Variants in PRKCA observed in about 807,000 individuals in gnomAD.
PRKCA encodes the protein protein kinase C alpha.
PRKCA carries 27 observed loss-of-function variants against 87.0 expected under a neutral mutation model. That is an observed-to-expected ratio of 0.31 (90% CI 0.23 to 0.43). PRKCA has a LOEUF of 0.43. Ranked by LOEUF, PRKCA falls within the 20% of genes least tolerant of loss-of-function variation. The pLI is 1.00. For missense variants in PRKCA, 518 were observed against 852.3 expected, an observed-to-expected ratio of 0.61 and a Z score of 4.88; for synonymous variants, 329 against 311.1, an observed-to-expected ratio of 1.06 and a Z score of -0.61.
chr17:66,639,022 T>C (rs957443394), intron 3 of PRKCA, among the ~76,000 whole-genome samples: 1 of 152,226 alleles, frequency 6.6e-6, no homozygotes, highest in African/African-American at 2.4e-5. Context: ...TATGTCACTT[T>C]GCATTGGAGA....
intron 4 of PRKCA, 42 bp downstream of exon 4, chr17:66,641,508 G>T: frequency 6.8e-7 from 1 of 1,461,414 alleles, no homozygotes; most frequent in South Asian, 1.2e-5. Flanking sequence ...AGGCTCTGTA[G>T]CTCATGCTCA....
Position 66,804,016 on chromosome 17 carries a change from C to T in PRKCA, c.1998C>T (p.Pro666=), listed in dbSNP as rs953516882. 6.2e-7 allele frequency: 1 copy of T among 1,613,184 alleles called. No individual in the cohort carries two copies. The highest frequency in any genetic ancestry group is 8.5e-7 in the Non-Finnish European group (1 of 1,179,376). Residue 666 remains proline, a synonymous_variant, in exon 17 of 17, where the codon CCC becomes CCT. Coordinates refer to ENST00000413366, the MANE Select transcript of PRKCA (RefSeq NM_002737.3). ...FSYVNPQFVH[P]ILQSAV ...ATGTCAACCCCCAGTTTGTGCACCCCATCTTACAGAGTGCAGTATGAAACT... is the reference window on the plus strand; with the variant it reads ...ATGTCAACCCCCAGTTTGTGCACCCTATCTTACAGAGTGCAGTATGAAACT...
chr17:66,702,185 T>G (rs1869166796), intron 8 of PRKCA, among the ~76,000 whole-genome samples: 1 of 151,538 alleles, frequency 6.6e-6, no homozygotes, highest in South Asian at 2.1e-4. Flanking sequence ...GGCTCAATTG[T>G]GTATACACAT....
intron 14 of PRKCA, among the ~76,000 whole-genome samples, chr17:66,784,246 C>T (rs1975320990): frequency 6.6e-6 from 1 of 152,006 alleles, no homozygotes; most frequent in Non-Finnish European, 1.5e-5. Context: ...GCAGAAACCA[C>T]ACCATGTTTT....
intron 2 of PRKCA, among the ~76,000 whole-genome samples, chr17:66,411,854 G>GGCC (rs1555600329): frequency 7.0e-6 from 1 of 143,430 alleles, no homozygotes; most frequent in Non-Finnish European, 1.5e-5. Flanking sequence ...TCTGAGCAAT[G>GGCC]GGCCGCCTAC....
At chr17:66,499,559 A>G (rs1299579614) in intron 3 of PRKCA, among the ~76,000 whole-genome samples, 1 of 152,060 alleles carries the variant, frequency 6.6e-6, no homozygotes. Context: ...CAGATTTTTT[A>G]TCTTGTTTGG....
At position 66,549,629 on chromosome 17, in the gene PRKCA, T is replaced by C. The variant is rs1333073911; in HGVS notation, c.288+53346T>C. On this transcript the variant is annotated intron_variant, in intron 3 of 16. Coordinates refer to ENST00000413366, the MANE Select transcript of PRKCA (RefSeq NM_002737.3). ...ATATTGAGCAGTTGTGTGAATTCCA[T>C]TTGGACCTCCTCTGGTGGTGGTTCT... Among the ~76,000 whole-genome samples the C allele has an allele frequency of 2.6e-5, 4 of 152,190 alleles. No homozygotes were observed. In the South Asian group the frequency reaches 8.3e-4, roughly 32 times the overall value.
chr17:66,391,838 CAT>C (rs1000826618), intron 2 of PRKCA, among the ~76,000 whole-genome samples: 2 of 152,176 alleles, frequency 1.3e-5, no homozygotes, highest in African/African-American at 4.8e-5. Context: ...TGCACACACA[CAT>C]GTGCACAGAC....
At chr17:66,781,675 G>A (rs1438543287) in intron 14 of PRKCA, among the ~76,000 whole-genome samples, 1 of 152,038 alleles carries the variant, frequency 6.6e-6, no homozygotes, top group Non-Finnish European at 1.5e-5. Flanking sequence ...GTTGAATGGT[G>A]GCTGTCAGGG....
intron 13 of PRKCA, among the ~76,000 whole-genome samples, chr17:66,772,519 C>A (rs1470295478): frequency 5.9e-5 from 9 of 151,786 alleles, no homozygotes; most frequent in Admixed American, 5.9e-4. Context: ...AATCCCAGAA[C>A]ATTTCAAAGT....
chr17:66,503,658 T>G (rs1271505805), intron 3 of PRKCA, among the ~76,000 whole-genome samples: 4 of 152,206 alleles, frequency 2.6e-5, no homozygotes, highest in Non-Finnish European at 5.9e-5. Flanking sequence ...CAAAATTGCT[T>G]TCTTTTCTTT....
intron 2 of PRKCA, among the ~76,000 whole-genome samples, chr17:66,495,902 C>T (rs1229795086): frequency 5.9e-5 from 9 of 152,066 alleles, no homozygotes; most frequent in African/African-American, 1.7e-4. Flanking sequence ...TTTTGTTTCC[C>T]GGTTTCTACT....
At chr17:66,693,143 A>G (rs751523044) in intron 8 of PRKCA, among the ~76,000 whole-genome samples, 1 of 152,228 alleles carries the variant, frequency 6.6e-6, no homozygotes, top group Non-Finnish European at 1.5e-5. Flanking sequence ...ATCTTGGCAA[A>G]CAGAATGATC....
At chr17:66,734,730 C>A (rs2030780288) in intron 9 of PRKCA, among the ~76,000 whole-genome samples, 1 of 152,136 alleles carries the variant, frequency 6.6e-6, no homozygotes, top group African/African-American at 2.4e-5. Flanking sequence ...TTTTCCCATC[C>A]CTTATTCAAG....
chr17:66,406,585 G>GTTTTTTTTTTTTTTTTTTTTTTTTTTTTT lies in PRKCA; in HGVS notation c.206-89592_206-89591insTTTTTTTTTTTTTTTTTTTTTTTTTTTTT, dbSNP rs71160568. Reference sequence around the variant, plus strand: ...TCATGTAGCATTGTAGCTTTTCCAGGTTTTTTTTTTTTTTTTTTTTTTTTA... The same window carrying GTTTTTTTTTTTTTTTTTTTTTTTTTTTTT: ...TCATGTAGCATTGTAGCTTTTCCAGGTTTTTTTTTTTTTTTTTTTTTTTTTTTTTTTTTTTTTTTTTTTTTTTTTTTTTA... On this transcript the variant is annotated intron_variant, in intron 2 of 16. Coordinates refer to ENST00000413366, the MANE Select transcript of PRKCA (RefSeq NM_002737.3). Among the ~76,000 whole-genome samples the GTTTTTTTTTTTTTTTTTTTTTTTTTTTTT allele has an allele frequency of 1.6e-4, 11 of 70,186 alleles. 2 individuals are homozygous for GTTTTTTTTTTTTTTTTTTTTTTTTTTTTT. The highest frequency in any genetic ancestry group is 7.1e-4 in the South Asian group (1 of 1,404). 46.0% of individuals were successfully genotyped at this position (70,186 alleles called of 152,430 possible).
chr17:66,595,017 G>T (rs1969930087), intron 3 of PRKCA, among the ~76,000 whole-genome samples: 1 of 152,158 alleles, frequency 6.6e-6, no homozygotes, highest in Non-Finnish European at 1.5e-5. Flanking sequence ...CAGAAAACAA[G>T]GTGGTTCCTT....
chr17:66,753,985 A>G (rs997126830), intron 13 of PRKCA, among the ~76,000 whole-genome samples: 1 of 152,054 alleles, frequency 6.6e-6, no homozygotes, highest in Non-Finnish European at 1.5e-5. Context: ...TACTTGTGTC[A>G]AGGGGTGGGA....
At chr17:66,669,448 G>T (rs1972120185) in intron 5 of PRKCA, among the ~76,000 whole-genome samples, 1 of 151,888 alleles carries the variant, frequency 6.6e-6, no homozygotes, top group African/African-American at 2.4e-5. Context: ...CTGGGAACAG[G>T]ATATAAATTG....
intron 5 of PRKCA, among the ~76,000 whole-genome samples, chr17:66,675,836 G>C (rs928712930): frequency 2.0e-5 from 3 of 152,132 alleles, no homozygotes; most frequent in African/African-American, 7.2e-5. Flanking sequence ...TGCCAGTTCT[G>C]GTTCCTCCGC....
Sources: gnomAD v4.1 joint callset for allele counts (sites outside exome capture counted in the v4.1 genomes callset) on GRCh38, gnomAD v4.1.1 for gene constraint, MANE v1.5 for transcripts, NCBI Gene and HGNC (gene_info 2026-07-23, HGNC 2026-07-21) for gene names.